CFAP54: variants seen among roughly 807,000 people sequenced by gnomAD.
CFAP54 encodes cilia- and flagella-associated protein 54.
CFAP54 carries 290 observed loss-of-function variants against 370.4 expected under a neutral mutation model. That is an observed-to-expected ratio of 0.78 (90% CI 0.71 to 0.86). The LOEUF (loss-of-function observed/expected upper bound fraction) is 0.86, where lower values mean the gene tolerates loss of function less well. Ranked by LOEUF, CFAP54 falls within the 40% of genes least tolerant of loss-of-function variation. The pLI is 0.00. For synonymous variants in CFAP54, 1,206 were observed against 1,236.5 expected (o/e 0.98, Z 0.52); for missense variants, 3,399 against 3,528.7 (o/e 0.96, Z 0.93).
chr12:96,826,551 A>G (rs1330479176), intron 65 of CFAP54, among the ~76,000 whole-genome samples: 1 of 79,264 alleles, frequency 1.3e-5, no homozygotes, highest in Non-Finnish European at 2.2e-5. Context: ...TATAATTTAT[A>G]TATAATATAT....
intron 66 of CFAP54, among the ~76,000 whole-genome samples, chr12:96,834,421 A>G (rs1959179705): frequency 6.6e-6 from 1 of 152,224 alleles, no homozygotes; most frequent in African/African-American, 2.4e-5. Context: ...CATGCCTGCC[A>G]AGGGCAAGTC....
At chr12:96,687,207 C>T (rs532223159) in intron 42 of CFAP54, among the ~76,000 whole-genome samples, 3 of 152,270 alleles carry the variant, frequency 2.0e-5, no homozygotes, top group South Asian at 2.1e-4. Flanking sequence ...GCCATCGTGA[C>T]GATCCAGGAT....
At chr12:96,666,684 C>A (rs1957085262) in intron 39 of CFAP54, among the ~76,000 whole-genome samples, 1 of 152,170 alleles carries the variant, frequency 6.6e-6, no homozygotes, top group Non-Finnish European at 1.5e-5. Context: ...CTGGGTCCCT[C>A]CCACCACATG....
chr12:96,674,188 A>G (rs1489321690), intron 39 of CFAP54, among the ~76,000 whole-genome samples: 1 of 152,110 alleles, frequency 6.6e-6, no homozygotes. Flanking sequence ...GCCTTTGGGC[A>G]TTTGGATTGA....
intron 14 of CFAP54, among the ~76,000 whole-genome samples, chr12:96,542,580 C>T (rs926779918): frequency 3.3e-5 from 5 of 152,182 alleles, no homozygotes; most frequent in African/African-American, 1.2e-4. Context: ...CATTTCATCT[C>T]TCCCTGCAAC....
chr12:96,590,621 G>T (rs1956114873), intron 23 of CFAP54, among the ~76,000 whole-genome samples: 1 of 152,188 alleles, frequency 6.6e-6, no homozygotes, highest in Non-Finnish European at 1.5e-5. Context: ...ATGTGCTATG[G>T]GGGTATGGGT....
chr12:96,656,480 C>T (rs1015963653), intron 36 of CFAP54, among the ~76,000 whole-genome samples: 1 of 152,158 alleles, frequency 6.6e-6, no homozygotes, highest in East Asian at 1.9e-4. Flanking sequence ...TGGGTTCAAG[C>T]GATTCATTCT....
intron 47 of CFAP54, among the ~76,000 whole-genome samples, chr12:96,707,224 A>C (rs185031439): frequency 2.0e-5 from 3 of 152,054 alleles, no homozygotes; most frequent in Middle Eastern, 3.4e-3. Flanking sequence ...AATTTTGATG[A>C]TGAATCAAAT....
At chr12:96,495,238 CTCCTTCCTTCCTTCCTTCCTTCCTTCCT>C (rs58756915) in intron 1 of CFAP54, among the ~76,000 whole-genome samples, 48 of 133,196 alleles carry the variant, frequency 3.6e-4, no homozygotes, top group South Asian at 3.1e-3. Context: ...CTTTTCTTTT[CTCCTTCCTTCCTTCCTTCCTTCCTTCCT>C]TCCTTCCTTC....
At chr12:96,513,799 T>C (rs1254424466) in intron 5 of CFAP54, among the ~76,000 whole-genome samples, 2 of 152,140 alleles carry the variant, frequency 1.3e-5, no homozygotes, top group Non-Finnish European at 2.9e-5. Context: ...TGATAAACTA[T>C]GGTTACCCCC....
intron 14 of CFAP54, among the ~76,000 whole-genome samples, chr12:96,543,583 T>C (rs1955602140): frequency 6.8e-6 from 1 of 146,526 alleles, no homozygotes; most frequent in African/African-American, 2.5e-5. Context: ...GTCTGGTTAT[T>C]TTTGAGTGTG....
At chr12:96,789,306 C>T (rs1045756180) in intron 62 of CFAP54, among the ~76,000 whole-genome samples, 6 of 152,270 alleles carry the variant, frequency 3.9e-5, no homozygotes, top group Non-Finnish European at 7.4e-5. Flanking sequence ...TGAGTGAGGA[C>T]GTGAACAGGC....
At chr12:96,649,401 T>C (rs1409589712) in intron 34 of CFAP54, among the ~76,000 whole-genome samples, 3 of 152,092 alleles carry the variant, frequency 2.0e-5, no homozygotes, top group Non-Finnish European at 4.4e-5. Flanking sequence ...AGACTTACTA[T>C]CTAATGCAGG....
intron 38 of CFAP54, 57 bp from the exon 39 acceptor site, chr12:96,663,773 C>G (rs567678659): frequency 7.9e-7 from 1 of 1,267,012 alleles, no homozygotes; most frequent in African/African-American, 1.5e-5. Context: ...TTCAAGTAAG[C>G]GAAATTTTTA....
chr12:96,651,309 C>T (rs890645623), intron 35 of CFAP54, among the ~76,000 whole-genome samples: 2 of 152,186 alleles, frequency 1.3e-5, no homozygotes, highest in African/African-American at 2.4e-5. Context: ...ATTCCCAGCA[C>T]CTAGAACAAT....
chr12:96,646,317 C>T (rs1956791177), intron 33 of CFAP54: 1 of 152,216 alleles, frequency 6.6e-6, no homozygotes, highest in Non-Finnish European at 1.5e-5. Flanking sequence ...CAAAAGAATA[C>T]ATTTATGCAG....
chr12:96,639,341 A>C (rs1956698703), intron 32 of CFAP54, among the ~76,000 whole-genome samples: 1 of 152,264 alleles, frequency 6.6e-6, no homozygotes, highest in South Asian at 2.1e-4. Context: ...TAAATGGATA[A>C]ATTCCTTGAC....
chr12:96,560,804 C>G (rs913630132), intron 17 of CFAP54, among the ~76,000 whole-genome samples: 1 of 152,170 alleles, frequency 6.6e-6, no homozygotes, highest in Non-Finnish European at 1.5e-5. Flanking sequence ...GAATGAATAT[C>G]CTGTTCCCCA....
At chr12:96,506,744 G>A (rs1273013378) in intron 3 of CFAP54, among the ~76,000 whole-genome samples, 184 bp from the exon 4 acceptor site, 3 of 151,674 alleles carry the variant, frequency 2.0e-5, no homozygotes, top group Admixed American at 1.3e-4. Flanking sequence ...GTGCCACCAC[G>A]CCCAGCTAAT....
Sources: gnomAD v4.1 joint callset for allele counts (sites outside exome capture counted in the v4.1 genomes callset) on GRCh38, gnomAD v4.1.1 for gene constraint, MANE v1.5 for transcripts, NCBI Gene and HGNC (gene_info 2026-07-23, HGNC 2026-07-21) for gene names.